TASP1: variants seen among roughly 807,000 people sequenced by gnomAD.
TASP1 encodes threonine aspartase 1.
Under a neutral mutation model 56.6 loss-of-function variants are expected in TASP1, and 16 were observed. The ratio of observed to expected loss-of-function variants is 0.28; its 90% CI spans 0.19 to 0.43. The LOEUF is 0.43. TASP1 is among the 20% of genes least tolerant of loss of function. The pLI is 1.00. For synonymous variants in TASP1, 179 were observed against 184.2 expected, an observed-to-expected ratio of 0.97 and a Z score of 0.23; for missense variants, 393 against 511.6, an observed-to-expected ratio of 0.77 and a Z score of 2.24.
chr20:13,326,645 T>C, the TASP1 span, among the ~76,000 whole-genome samples: 2 of 152,206 alleles, frequency 1.3e-5, no homozygotes, highest in Non-Finnish European at 1.5e-5. Context: ...TTCTTTGCCT[T>C]TCATAAATCC....
chr20:13,105,332 C>T, the TASP1 span, among the ~76,000 whole-genome samples: 1 of 152,048 alleles, frequency 6.6e-6, no homozygotes, highest in Non-Finnish European at 1.5e-5. Context: ...CCCTGGGGGG[C>T]TGTGAACTCC....
chr20:13,210,191 T>A, the TASP1 span, among the ~76,000 whole-genome samples: 1 of 152,332 alleles, frequency 6.6e-6, no homozygotes, highest in East Asian at 1.9e-4. Flanking sequence ...CATTAATTCT[T>A]TTCCATTGGT....
At chr20:13,539,101 T>A (rs2045525548) in intron 8 of TASP1, among the ~76,000 whole-genome samples, 1 of 152,160 alleles carries the variant, frequency 6.6e-6, no homozygotes, top group African/African-American at 2.4e-5. Flanking sequence ...GTGGACTGCA[T>A]GAAACCAGCA....
chr20:13,604,693 C>G (rs1321870143), intron 4 of TASP1, among the ~76,000 whole-genome samples: 2 of 152,062 alleles, frequency 1.3e-5, no homozygotes, highest in East Asian at 3.8e-4. Flanking sequence ...TAACAGTAGC[C>G]ATTAGGGAAA....
At chr20:13,391,457 C>T (rs904187355) in intron 13 of TASP1, among the ~76,000 whole-genome samples, 6 of 152,136 alleles carry the variant, frequency 3.9e-5, no homozygotes, top group Admixed American at 6.5e-5. Flanking sequence ...ATAAACTTCA[C>T]GCAATCCTCT....
the TASP1 span, among the ~76,000 whole-genome samples, chr20:13,179,611 G>A: frequency 6.6e-6 from 1 of 152,110 alleles, no homozygotes; most frequent in African/African-American, 2.4e-5. Context: ...CTGCTTAGAG[G>A]TTTGTGGCTT....
the TASP1 span, chr20:13,270,413 G>A: frequency 2.1e-6 from 3 of 1,415,586 alleles, no homozygotes; most frequent in African/African-American, 4.3e-5. Context: ...CACTGGAATT[G>A]TCCTTGCTCC....
At chr20:13,231,674 A>G in the TASP1 span, among the ~76,000 whole-genome samples, 1 of 152,156 alleles carries the variant, frequency 6.6e-6, no homozygotes, top group Non-Finnish European at 1.5e-5. Flanking sequence ...AGTAAACCCA[A>G]TCATCTTGCA....
At chr20:13,345,143 G>A in the TASP1 span, among the ~76,000 whole-genome samples, 1 of 152,196 alleles carries the variant, frequency 6.6e-6, no homozygotes, top group Non-Finnish European at 1.5e-5. Flanking sequence ...GAAGGACAGT[G>A]TAACCACATT....
At chr20:13,407,156 A>C (rs780777185) in intron 13 of TASP1, among the ~76,000 whole-genome samples, 14 of 152,336 alleles carry the variant, frequency 9.2e-5, no homozygotes, top group Admixed American at 2.0e-4. Context: ...AGTAGTTTTT[A>C]ATATATTTGC....
intron 13 of TASP1, 56 bp downstream of exon 13, chr20:13,417,392 G>C: frequency 6.3e-7 from 1 of 1,590,940 alleles, no homozygotes; most frequent in Non-Finnish European, 8.6e-7. Flanking sequence ...TAGCTGGTTA[G>C]AGGTTTATGC....
At position 13,389,710 on chromosome 20, in the gene TASP1, A is replaced by C. The variant is rs1471232195; in HGVS notation, c.*650T>G. 1 of 152,900 alleles carries C rather than the reference A, an allele frequency of 6.5e-6. No individual in the cohort carries two copies. 9.5% of individuals were successfully genotyped at this position (152,900 alleles called of 1,614,324 possible). A position where few individuals can be genotyped will look rare whatever the true frequency, so the allele number is the denominator to read the frequency against. Reference sequence around the variant, plus strand: ...TGATGAAATAAGTACAAACTGTATCAATCAGACTATTATTTAAAAAGGTTC... The same window carrying C: ...TGATGAAATAAGTACAAACTGTATCCATCAGACTATTATTTAAAAAGGTTC... On this transcript the variant is annotated 3_prime_UTR_variant, in exon 14 of 14. Coordinates refer to ENST00000337743, the MANE Select transcript of TASP1 (RefSeq NM_017714.3).
chr20:13,580,584 T>C (rs886794888), intron 6 of TASP1, among the ~76,000 whole-genome samples: 3 of 152,248 alleles, frequency 2.0e-5, no homozygotes. Flanking sequence ...CTATTTACTA[T>C]GTTCCATGTA....
At chr20:13,348,488 T>C in the TASP1 span, among the ~76,000 whole-genome samples, 1 of 152,200 alleles carries the variant, frequency 6.6e-6, no homozygotes, top group Non-Finnish European at 1.5e-5. Flanking sequence ...AGTCTACTCA[T>C]AGACATGCAT....
At chr20:13,353,612 C>T in the TASP1 span, among the ~76,000 whole-genome samples, 4 of 152,268 alleles carry the variant, frequency 2.6e-5, no homozygotes, top group South Asian at 2.1e-4. Context: ...GGAGTATCTA[C>T]ACCTCCAGGA....
At chr20:13,174,701 A>C in the TASP1 span, among the ~76,000 whole-genome samples, 1 of 81,762 alleles carries the variant, frequency 1.2e-5, no homozygotes, top group Non-Finnish European at 2.7e-5. Flanking sequence ...CTTGTCACGA[A>C]AAAAAAAAAA....
the TASP1 span, among the ~76,000 whole-genome samples, chr20:13,152,573 G>A: frequency 2.7e-4 from 41 of 152,196 alleles, no homozygotes; most frequent in African/African-American, 9.7e-4. Context: ...TTAGGACAAA[G>A]ATGTAGCTTG....
chr20:13,157,608 C>T, the TASP1 span, among the ~76,000 whole-genome samples: 1 of 151,664 alleles, frequency 6.6e-6, no homozygotes, highest in African/African-American at 2.4e-5. Context: ...AACACAGAGT[C>T]TAATTATTTT....
chr20:13,266,033 G>C, the TASP1 span, among the ~76,000 whole-genome samples: 4 of 152,154 alleles, frequency 2.6e-5, no homozygotes, highest in Admixed American at 6.5e-5. Flanking sequence ...AGAGAGAAAG[G>C]CAAATGGCAA....
Sources: gnomAD v4.1 joint callset for allele counts (sites outside exome capture counted in the v4.1 genomes callset) on GRCh38, gnomAD v4.1.1 for gene constraint, MANE v1.5 for transcripts, NCBI Gene and HGNC (gene_info 2026-07-23, HGNC 2026-07-21) for gene names.